NKAIN3: variants seen among roughly 807,000 people sequenced by gnomAD.
NKAIN3 encodes the protein sodium/potassium transporting ATPase interacting 3.
A neutral mutation model predicts 30.2 loss-of-function variants in NKAIN3; 25 were observed. That is an observed-to-expected ratio of 0.83 (90% confidence interval 0.60 to 1.16). The LOEUF (loss-of-function observed/expected upper bound fraction) is 1.16. Ranked by LOEUF, NKAIN3 falls within the 50% of genes most tolerant of loss-of-function variation. The pLI is 0.00. For missense variants in NKAIN3, 225 were observed against 254.1 expected (o/e 0.89, Z 0.78); for synonymous variants, 91 against 89.6 (o/e 1.02, Z -0.09).
At position 62,492,929 on chromosome 8, in the gene NKAIN3, G is replaced by C. The variant is rs573761212; in HGVS notation, c.55-86610G>C. On this transcript the variant is annotated intron_variant, in intron 1 of 6. Coordinates refer to ENST00000623646, the MANE Select transcript of NKAIN3 (RefSeq NM_001304533.3). ...CTGCAATTTGTTTGAGTTCCTTATA[G>C]ATGCTGAATCTTAGACCTTTGTCAG... 2.6e-5 allele frequency among the ~76,000 whole-genome samples: 4 copies of C among 152,180 alleles called. No individual in the cohort carries two copies. The East Asian group carries it at 7.7e-4, about 29-fold the overall frequency.
intron 4 of NKAIN3, among the ~76,000 whole-genome samples, chr8:62,811,858 A>G (rs1818498945): frequency 6.6e-6 from 1 of 152,018 alleles, no homozygotes; most frequent in African/African-American, 2.4e-5. Flanking sequence ...GTCTTTCCCA[A>G]AGCATTTTTC....
intron 5 of NKAIN3, among the ~76,000 whole-genome samples, chr8:62,953,508 T>C (rs767206937): frequency 6.6e-6 from 1 of 152,082 alleles, no homozygotes; most frequent in Non-Finnish European, 1.5e-5. Context: ...GCCTTTCTAA[T>C]GATGCAATAC....
chr8:62,663,572 T>C (rs935506937), intron 3 of NKAIN3, among the ~76,000 whole-genome samples: 6 of 152,208 alleles, frequency 3.9e-5, no homozygotes, highest in Non-Finnish European at 5.9e-5. Flanking sequence ...TACATCTGAA[T>C]ACCCACTTTG....
chr8:62,838,690 C>T (rs538840018), intron 4 of NKAIN3, among the ~76,000 whole-genome samples: 2 of 152,138 alleles, frequency 1.3e-5, no homozygotes, highest in Non-Finnish European at 2.9e-5. Flanking sequence ...GGCATCAGCA[C>T]TAAAAACACC....
At chr8:62,989,807 A>G (rs1824282450), downstream of NKAIN3, among the ~76,000 whole-genome samples, 1 of 152,248 alleles carries the variant, frequency 6.6e-6, no homozygotes, top group South Asian at 2.1e-4. Context: ...TAAGAAATTT[A>G]GTATTACTTC....
intron 3 of NKAIN3, among the ~76,000 whole-genome samples, chr8:62,661,158 G>A (rs1812932171): frequency 1.3e-5 from 2 of 152,122 alleles, no homozygotes; most frequent in African/African-American, 4.8e-5. Context: ...CATCCTTCCA[G>A]GCTGATTATC....
chr8:62,997,766 A>T (rs1804152881), intron 5 of NKAIN3, among the ~76,000 whole-genome samples: 1 of 152,052 alleles, frequency 6.6e-6, no homozygotes, highest in African/African-American at 2.4e-5. Flanking sequence ...AAAAAAAAAA[A>T]AAAAAGAGGA....
At position 62,747,001 on chromosome 8, in the gene NKAIN3, G is replaced by A. The variant is rs1175158513; in HGVS notation, c.343G>A (p.Val115Ile). 2 of 1,613,794 alleles carry A rather than the reference G, an allele frequency of 1.2e-6. No homozygotes were observed. Among genetic ancestry groups the A allele is most frequent in the Admixed American group, 1.7e-5 (1 of 60,000 alleles). The change falls in exon 4 of 7, where the codon GTC becomes ATC. Residue 115 changes from valine to isoleucine, a missense_variant. Physicochemically the swap from Val to Ile is conservative, Grantham distance 29 (BLOSUM62 3). Coordinates refer to ENST00000623646, the MANE Select transcript of NKAIN3 (RefSeq NM_001304533.3). Reference sequence around the variant, plus strand: ...GTGGAGAGAACATGGGCCTGGTTGTGTCAGAAGAGTGCTGCCTCCCTCAGC... The same window carrying A: ...GTGGAGAGAACATGGGCCTGGTTGTATCAGAAGAGTGCTGCCTCCCTCAGC... ...SWWREHGPGC[V>I]RRVLPPSAHG...
chr8:62,993,261 A>G (rs1368132395), intron 5 of NKAIN3, among the ~76,000 whole-genome samples: 1 of 152,218 alleles, frequency 6.6e-6, no homozygotes, highest in African/African-American at 2.4e-5. Context: ...AGGAAATAGA[A>G]TATAGTGAAC....
intron 1 of NKAIN3, among the ~76,000 whole-genome samples, chr8:62,559,401 T>A (rs1296084903): frequency 6.6e-6 from 1 of 152,074 alleles, no homozygotes; most frequent in Non-Finnish European, 1.5e-5. Context: ...TTTAGGCCAT[T>A]TATATTTCAT....
chr8:62,955,497 A>G (rs1585619295), intron 6 of NKAIN3, among the ~76,000 whole-genome samples: 1 of 152,272 alleles, frequency 6.6e-6, no homozygotes, highest in East Asian at 1.9e-4. Context: ...TTGTTATGTG[A>G]TAAGAGGATG....
At chr8:62,879,571 G>C (rs1317793109) in intron 4 of NKAIN3, among the ~76,000 whole-genome samples, 3 of 152,128 alleles carry the variant, frequency 2.0e-5, no homozygotes, top group Admixed American at 6.5e-5. Context: ...GCATTATGCT[G>C]TTGTATTTTT....
At chr8:62,729,049 A>AAAAAAAAAAAAAAAAAC in intron 3 of NKAIN3, among the ~76,000 whole-genome samples, 1 of 142,460 alleles carries the variant, frequency 7.0e-6, no homozygotes, top group Non-Finnish European at 1.5e-5. Context: ...ACAAAAAAAA[A>AAAAAAAAAAAAAAAAAC]AAACCTCCTG....
chr8:62,281,555 C>G (rs753169142), intron 1 of NKAIN3, among the ~76,000 whole-genome samples: 2 of 152,034 alleles, frequency 1.3e-5, no homozygotes, highest in African/African-American at 2.4e-5. Flanking sequence ...AAATGTTTCC[C>G]AAGATTCTGG....
intron 3 of NKAIN3, among the ~76,000 whole-genome samples, chr8:62,661,451 A>C (rs747929405): frequency 2.0e-5 from 3 of 152,222 alleles, no homozygotes; most frequent in Non-Finnish European, 4.4e-5. Flanking sequence ...AGCTGTTTGA[A>C]TCTTTCTCAT....
chr8:62,458,646 C>G (rs1303190482), intron 1 of NKAIN3, among the ~76,000 whole-genome samples: 1 of 152,190 alleles, frequency 6.6e-6, no homozygotes, highest in Non-Finnish European at 1.5e-5. Context: ...AATGAAAGGT[C>G]TTTCTCATGT....
chr8:62,438,960 T>C (rs569226453), intron 1 of NKAIN3, among the ~76,000 whole-genome samples: 1 of 152,066 alleles, frequency 6.6e-6, no homozygotes, highest in African/African-American at 2.4e-5. Context: ...AATGCTGGTG[T>C]TGGGAAACTG....
At chr8:62,846,270 T>C (rs1356422634) in intron 4 of NKAIN3, among the ~76,000 whole-genome samples, 2 of 152,178 alleles carry the variant, frequency 1.3e-5, no homozygotes, top group East Asian at 1.9e-4. Context: ...AAAGAAAGTT[T>C]AGTTCCCTTT....
intron 1 of NKAIN3, among the ~76,000 whole-genome samples, chr8:62,299,394 A>T (rs1275750067): frequency 6.6e-6 from 1 of 152,026 alleles, no homozygotes; most frequent in Non-Finnish European, 1.5e-5. Flanking sequence ...TGAGTGGCCC[A>T]TGTCAGAAAT....
Sources: gnomAD v4.1 joint callset for allele counts (sites outside exome capture counted in the v4.1 genomes callset) on GRCh38, gnomAD v4.1.1 for gene constraint, MANE v1.5 for transcripts, NCBI Gene and HGNC (gene_info 2026-07-23, HGNC 2026-07-21) for gene names.